The following SPINK8 variants were observed in gnomAD, a reference collection of about 807,000 sequenced individuals.
SPINK8 encodes serine protease inhibitor Kazal-type 8.
A neutral mutation model predicts 14.4 loss-of-function variants in SPINK8; 12 were observed. That is an observed-to-expected ratio of 0.83 (90% CI 0.53 to 1.35). SPINK8 has a LOEUF of 1.35. Ranked by LOEUF, SPINK8 falls within the 40% of genes most tolerant of loss-of-function variation. The pLI is 0.00. For missense variants in SPINK8, 103 were observed against 117.0 expected (o/e 0.88, Z 0.55); for synonymous variants, 32 against 37.6 (o/e 0.85, Z 0.55).
chr3:48,318,955 G>A (rs1327289972), intron 6 of SPINK8, among the ~76,000 whole-genome samples: 3 of 152,168 alleles, frequency 2.0e-5, no homozygotes, highest in Non-Finnish European at 4.4e-5. Flanking sequence ...TATTCCCCTT[G>A]GGCTAAACAA....
intron 2 of SPINK8, among the ~76,000 whole-genome samples, chr3:48,329,604 G>T (rs2036188989): frequency 6.6e-6 from 1 of 152,206 alleles, no homozygotes; most frequent in African/African-American, 2.4e-5. Context: ...AGTCAAAAGT[G>T]TTCACTTTAT....
In SPINK8 at chr3:48,319,629, G is replaced by T; in HGVS notation, c.118-11C>A. The T allele has an allele frequency of 6.2e-7, 1 of 1,613,756 alleles. No homozygotes were observed. The highest frequency in any genetic ancestry group is 1.1e-5 in the South Asian group (1 of 91,030). On this transcript the variant is annotated splice_polypyrimidine_tract_variant and intron_variant, in intron 5 of 7. Transcript: ENST00000434006. ...CTTGAGGCATTCAACCTGAAGGTGAGACACACACAACTGCTTCAGACACTT... is the reference window on the plus strand; with the variant it reads ...CTTGAGGCATTCAACCTGAAGGTGATACACACACAACTGCTTCAGACACTT...
Position 48,313,378 on chromosome 3 carries a change from C to T in SPINK8, c.240-3432G>A, listed in dbSNP as rs148281080. Among the ~76,000 whole-genome samples, 216 of 152,216 alleles carry T rather than the reference C, an allele frequency of 1.4e-3. 4 individuals are homozygous for T. In the Middle Eastern group the frequency reaches 0.027, roughly 19 times the overall value. ...AGCCAAAAAGTACATAAGAAGATGT[C>T]CAACCTCATTAGTCATTAGAGAAAT... On this transcript the variant is annotated intron_variant, in intron 6 of 7. Coordinates refer to ENST00000434006, the MANE Select transcript of SPINK8 (RefSeq NM_001080525.3).
intron 7 of SPINK8, 136 bp downstream of exon 7, chr3:48,309,768 G>A: frequency 1.6e-6 from 2 of 1,235,890 alleles, no homozygotes; most frequent in Non-Finnish European, 2.1e-6. Context: ...ATAGGCTTAT[G>A]GGATCTATTA....
intron 2 of SPINK8, among the ~76,000 whole-genome samples, chr3:48,331,297 C>T (rs570664171): frequency 4.6e-5 from 7 of 152,266 alleles, no homozygotes; most frequent in Non-Finnish European, 8.8e-5. Flanking sequence ...GGTAGTATAG[C>T]GGCACGGAGG....
chr3:48,313,679 C>T (rs2035951950), intron 6 of SPINK8, among the ~76,000 whole-genome samples: 1 of 152,142 alleles, frequency 6.6e-6, no homozygotes, highest in Non-Finnish European at 1.5e-5. Flanking sequence ...TCTATAAGAG[C>T]ACTCTTCACA....
chr3:48,308,701 A>C (rs1290881561), intron 7 of SPINK8, among the ~76,000 whole-genome samples: 2 of 152,114 alleles, frequency 1.3e-5, no homozygotes, highest in African/African-American at 4.8e-5. Context: ...ATGTCCCTAA[A>C]ACTCTTCTCC....
rs149274306 is a variant in SPINK8, at chr3:48,326,504, G to A, written c.67+1771C>T. Among the ~76,000 whole-genome samples, 273 of 152,156 alleles carry A rather than the reference G, an allele frequency of 1.8e-3. 1 individual carries two copies. The highest frequency in any genetic ancestry group is 3.1e-3 in the African/African-American group (128 of 41,516). The stretch of plus-strand genomic sequence containing the variant: ...TGCCTGTAATCCTAGCTACTTGGAA[G>A]GCTGAGATGGGAGAATCGCTTGAAC... On this transcript the variant is annotated intron_variant, in intron 4 of 7. Transcript: ENST00000434006.
chr3:48,315,364 T>G (rs2035973814), intron 6 of SPINK8, among the ~76,000 whole-genome samples: 2 of 152,194 alleles, frequency 1.3e-5, no homozygotes, highest in African/African-American at 4.8e-5. Flanking sequence ...CAATGGAATC[T>G]GTCACTGAGG....
intron 1 of SPINK8, among the ~76,000 whole-genome samples, chr3:48,333,119 T>C (rs1560021148): frequency 6.6e-6 from 1 of 152,130 alleles, no homozygotes; most frequent in South Asian, 2.1e-4. Context: ...TTTAACATAA[T>C]TGTGAGTTGT....
chr3:48,328,916 GA>G (rs1163564137), intron 3 of SPINK8, among the ~76,000 whole-genome samples: 2 of 152,192 alleles, frequency 1.3e-5, no homozygotes, highest in African/African-American at 4.8e-5. Flanking sequence ...TAAAATTACT[GA>G]AAGGAAAACC....
At chr3:48,310,519 C>G (rs1238740041) in intron 6 of SPINK8, among the ~76,000 whole-genome samples, 2 of 142,338 alleles carry the variant, frequency 1.4e-5, no homozygotes, top group Non-Finnish European at 3.0e-5. Flanking sequence ...TTTTTTGAGA[C>G]AGAGTTTTGC....
At chr3:48,322,799 G>GTA (rs1283465612) in intron 4 of SPINK8, among the ~76,000 whole-genome samples, 3 of 152,152 alleles carry the variant, frequency 2.0e-5, no homozygotes, top group Non-Finnish European at 2.9e-5. Context: ...TTCAATGTAT[G>GTA]TATATTCCAC....
chr3:48,326,600 C>G (rs1421312746), intron 4 of SPINK8, among the ~76,000 whole-genome samples: 1 of 144,926 alleles, frequency 6.9e-6, no homozygotes, highest in Non-Finnish European at 1.5e-5. Flanking sequence ...GAGGGAGACT[C>G]TGTCTCAAGA....
chr3:48,315,718 C>T (rs71323394), intron 6 of SPINK8, among the ~76,000 whole-genome samples: 17,887 of 70,968 alleles, frequency 0.25, 2,109 homozygotes, highest in Middle Eastern at 0.31. Flanking sequence ...AAGACTCCAT[C>T]TCAAAAAAAA....
chr3:48,326,231 C>T (rs1028388884), intron 4 of SPINK8, among the ~76,000 whole-genome samples: 2 of 152,180 alleles, frequency 1.3e-5, no homozygotes, highest in East Asian at 1.9e-4. Flanking sequence ...CCTCACACTG[C>T]GCTGGGAAGG....
intron 6 of SPINK8, 55 bp from the exon 7 acceptor site, chr3:48,310,001 T>C: frequency 5.3e-6 from 7 of 1,318,622 alleles, no homozygotes; most frequent in Non-Finnish European, 6.8e-6. Flanking sequence ...TCATAAATTC[T>C]GACTAAATTT....
intron 4 of SPINK8, among the ~76,000 whole-genome samples, chr3:48,324,344 G>A (rs912200963): frequency 6.6e-6 from 1 of 152,002 alleles, no homozygotes; most frequent in Non-Finnish European, 1.5e-5. Context: ...CTTGTATTCT[G>A]CAAACTTGCT....
At chr3:48,315,317 A>C (rs1239998744) in intron 6 of SPINK8, among the ~76,000 whole-genome samples, 2 of 152,248 alleles carry the variant, frequency 1.3e-5, no homozygotes, top group Non-Finnish European at 2.9e-5. Context: ...GTACAAAGGA[A>C]AAGAAAGTAT....
Sources: allele counts gnomAD v4.1 joint callset (sites outside exome capture counted in the v4.1 genomes callset), GRCh38; gene constraint gnomAD v4.1.1; transcripts MANE v1.5; gene names NCBI Gene and HGNC (gene_info 2026-07-23, HGNC 2026-07-21).